The following ASIC2 variants were observed in gnomAD, a reference collection of about 807,000 sequenced individuals.
ASIC2 encodes the protein acid-sensing ion channel 2.
Under a neutral mutation model 57.3 loss-of-function variants are expected in ASIC2, and 25 were observed. That is an observed-to-expected ratio of 0.44 (90% CI 0.32 to 0.61). The LOEUF (loss-of-function observed/expected upper bound fraction) is 0.61, where lower values mean the gene tolerates loss of function less well. Ranked by LOEUF, ASIC2 falls within the 20% of genes least tolerant of loss-of-function variation. The probability of loss-of-function intolerance (pLI) is 0.06; values close to 1 mark genes in which losing one functional copy is unlikely to be tolerated. For synonymous variants in ASIC2, 319 were observed against 307.5 expected, an observed-to-expected ratio of 1.04 and a Z score of -0.39; for missense variants, 641 against 738.1, an observed-to-expected ratio of 0.87 and a Z score of 1.52.
At position 33,903,002 on chromosome 17, in the gene ASIC2, G is replaced by T. The variant is rs947892232; in HGVS notation, c.555+252976C>A. 2.0e-5 allele frequency among the ~76,000 whole-genome samples: 3 copies of T among 152,110 alleles called. No homozygotes were observed. The East Asian group carries it at 5.8e-4, about 29-fold the overall frequency. On this transcript the variant is annotated intron_variant, in intron 1 of 9. Coordinates refer to the ASIC2 transcript ENST00000359872. ...TTTCTATTTCAAAAATAATAAATGT[G>T]AAGAGAGGAAATCCTCAACAAAGCA...
At chr17:33,132,996 T>C (rs2092353509) in intron 1 of ASIC2, among the ~76,000 whole-genome samples, 1 of 152,216 alleles carries the variant, frequency 6.6e-6, no homozygotes, top group African/African-American at 2.4e-5. Context: ...GTTTCTACCC[T>C]CAAGGATTGT....
intron 1 of ASIC2, among the ~76,000 whole-genome samples, chr17:33,351,574 C>G (rs180955925): frequency 6.6e-6 from 1 of 152,294 alleles, no homozygotes. Context: ...ATCCCTACCT[C>G]TCAGCAGCAT....
At chr17:33,682,228 T>A (rs1388332541) in intron 1 of ASIC2, among the ~76,000 whole-genome samples, 1 of 91,562 alleles carries the variant, frequency 1.1e-5, no homozygotes, top group East Asian at 2.2e-4. Flanking sequence ...CCTGGCTAAT[T>A]TTTTTTTTTT....
chr17:33,855,653 G>T (rs1204386948), intron 1 of ASIC2, among the ~76,000 whole-genome samples: 2 of 152,104 alleles, frequency 1.3e-5, no homozygotes, highest in African/African-American at 2.4e-5. Context: ...GATGATGATG[G>T]TGATGACGAT....
intron 3 of ASIC2, among the ~76,000 whole-genome samples, chr17:33,047,660 T>C (rs1220379809): frequency 1.3e-5 from 2 of 152,184 alleles, no homozygotes; most frequent in African/African-American, 4.8e-5. Context: ...GCAAGTAAAG[T>C]ACTTTCATTT....
chr17:33,236,199 G>A (rs953644345), intron 1 of ASIC2, among the ~76,000 whole-genome samples: 38 of 152,256 alleles, frequency 2.5e-4, no homozygotes, highest in Admixed American at 2.4e-3. Context: ...TTAGTATGGG[G>A]TGAATGTATT....
intron 1 of ASIC2, among the ~76,000 whole-genome samples, chr17:33,727,060 T>C (rs1909583360): frequency 6.6e-6 from 1 of 152,204 alleles, no homozygotes; most frequent in African/African-American, 2.4e-5. Context: ...TTACACATTC[T>C]TTCAAACAAT....
intron 1 of ASIC2, among the ~76,000 whole-genome samples, chr17:33,289,212 T>C (rs546489455): frequency 2.4e-4 from 36 of 152,236 alleles, no homozygotes; most frequent in African/African-American, 8.2e-4. Context: ...TTTGCTTGGA[T>C]GTGTGTGTGC....
intron 1 of ASIC2, among the ~76,000 whole-genome samples, chr17:33,809,262 C>G (rs577424219): frequency 3.3e-5 from 5 of 152,204 alleles, no homozygotes; most frequent in African/African-American, 1.2e-4. Flanking sequence ...TCTCAACTGG[C>G]GTTCCAGCCC....
At chr17:33,467,694 A>G (rs1455390359) in intron 1 of ASIC2, among the ~76,000 whole-genome samples, 5 of 152,164 alleles carry the variant, frequency 3.3e-5, no homozygotes, top group African/African-American at 1.2e-4. Context: ...GTCTTTAGAG[A>G]ATAACTTAAT....
At chr17:33,565,101 C>G (rs1438973812) in intron 1 of ASIC2, among the ~76,000 whole-genome samples, 3 of 152,158 alleles carry the variant, frequency 2.0e-5, no homozygotes, top group Non-Finnish European at 4.4e-5. Context: ...TTTCTTAATT[C>G]CTCTAGCACT....
At chr17:33,392,859 T>C (rs1240521215) in intron 1 of ASIC2, among the ~76,000 whole-genome samples, 1 of 152,232 alleles carries the variant, frequency 6.6e-6, no homozygotes. Context: ...AATGTTCACC[T>C]TTGCAGCTCC....
chr17:33,824,965 C>A, intron 1 of ASIC2, among the ~76,000 whole-genome samples: 1 of 152,162 alleles, frequency 6.6e-6, no homozygotes, highest in East Asian at 1.9e-4. Flanking sequence ...ACACCCACCT[C>A]ACAGGGTTGT....
chr17:33,057,158 T>C (rs1400558995), intron 3 of ASIC2, among the ~76,000 whole-genome samples: 1 of 152,154 alleles, frequency 6.6e-6, no homozygotes, highest in Non-Finnish European at 1.5e-5. Flanking sequence ...TTGTTAGAAA[T>C]GCAGATTCCT....
At chr17:33,780,861 A>G (rs903620791) in intron 1 of ASIC2, among the ~76,000 whole-genome samples, 2 of 151,664 alleles carry the variant, frequency 1.3e-5, no homozygotes, top group Non-Finnish European at 2.9e-5. Flanking sequence ...CCTAGATATG[A>G]CTCTTGGGCT....
At chr17:33,452,852 G>A (rs181425644) in intron 1 of ASIC2, among the ~76,000 whole-genome samples, 2 of 151,900 alleles carry the variant, frequency 1.3e-5, no homozygotes, top group South Asian at 2.1e-4. Flanking sequence ...GTCTTGCAGG[G>A]CTGGAACCCA....
intron 1 of ASIC2, among the ~76,000 whole-genome samples, chr17:33,331,792 A>G (rs750165790): frequency 3.3e-5 from 5 of 152,222 alleles, no homozygotes; most frequent in Non-Finnish European, 7.3e-5. Flanking sequence ...CTATTCTACG[A>G]TGAGAAAATG....
intron 1 of ASIC2, among the ~76,000 whole-genome samples, chr17:33,794,941 T>G (rs1042406201): frequency 6.6e-6 from 1 of 152,182 alleles, no homozygotes; most frequent in African/African-American, 2.4e-5. Context: ...TTGGGCCCTC[T>G]GAGACCCCTT....
At chr17:34,135,649 G>A (rs17193375) in intron 1 of ASIC2, among the ~76,000 whole-genome samples, 53,886 of 151,692 alleles carry the variant, frequency 0.36, 9,991 homozygotes, top group Middle Eastern at 0.45. Flanking sequence ...TTTCAGCACA[G>A]GATGATGAAG....
Sources: gnomAD v4.1 joint callset for allele counts (sites outside exome capture counted in the v4.1 genomes callset) on GRCh38, gnomAD v4.1.1 for gene constraint, MANE v1.5 for transcripts, NCBI Gene and HGNC (gene_info 2026-07-23, HGNC 2026-07-21) for gene names.